The following USP50 variants were observed in gnomAD, a reference collection of about 807,000 sequenced individuals.
USP50 encodes ubiquitin specific peptidase 50, also known as ubiquitin carboxyl-terminal hydrolase 50.
A neutral mutation model predicts 39.2 loss-of-function variants in USP50; 37 were observed. That is an observed-to-expected ratio of 0.94 (90% CI 0.73 to 1.24). The LOEUF is 1.24. Ranked by LOEUF, USP50 falls within the 50% of genes most tolerant of loss-of-function variation. The pLI is 0.00. For missense variants in USP50, 374 were observed against 398.2 expected (o/e 0.94, Z 0.52); for synonymous variants, 139 against 144.5 (o/e 0.96, Z 0.27).
intron 6 of USP50, 81 bp downstream of exon 6, chr15:50,529,716 C>A: frequency 6.8e-7 from 1 of 1,480,638 alleles, no homozygotes. Context: ...CAGGGAGAGA[C>A]AGGAGAAATA....
Position 50,500,828 on chromosome 15 carries a change from C to T in USP50, c.946G>A (p.Gly316Ser), listed in dbSNP as rs1250817192. ...GTGTAGTGGCCACCATCCAAATCAC[C>T]AAAATGGTTCTATGGGAGAAAGGAA... Reference protein sequence around the residue: ...YNLCAVVNHFGDLDGGHYTAF... With the variant: ...YNLCAVVNHFSDLDGGHYTAF... Residue 316 changes from glycine to serine, a missense_variant, in exon 7 of 7, where the codon GGT becomes AGT. By Grantham distance (56) the Gly-to-Ser change is moderately conservative. Transcript: ENST00000532404. 6.3e-7 allele frequency: 1 copy of T among 1,580,898 alleles called. No individual in the cohort carries two copies. Among genetic ancestry groups the T allele is most frequent in the African/African-American group, 1.3e-5 (1 of 74,478 alleles).
chr15:50,515,373 C>T (rs2052793867), intron 6 of USP50, among the ~76,000 whole-genome samples: 1 of 152,062 alleles, frequency 6.6e-6, no homozygotes, highest in Admixed American at 6.6e-5. Flanking sequence ...TCCCAAGTAG[C>T]TGAGATTATG....
At chr15:50,501,569 C>G (rs902026863) in intron 6 of USP50, 1 of 151,084 alleles carries the variant, frequency 6.6e-6, no homozygotes, top group African/African-American at 2.4e-5. Flanking sequence ...GAATAAGGAT[C>G]TTAACTGCAT....
intron 6 of USP50, among the ~76,000 whole-genome samples, chr15:50,516,049 G>A (rs1467354994): frequency 6.6e-6 from 1 of 152,052 alleles, no homozygotes; most frequent in African/African-American, 2.4e-5. Context: ...GTTTTTGATT[G>A]CTATTAAAAT....
At chr15:50,518,908 T>C (rs1434648486) in intron 6 of USP50, among the ~76,000 whole-genome samples, 1 of 152,136 alleles carries the variant, frequency 6.6e-6, no homozygotes, top group East Asian at 1.9e-4. Context: ...TTGCAAACTA[T>C]TCATTTGATA....
chr15:50,498,962 A>T, downstream of USP50: 2 of 1,614,060 alleles, frequency 1.2e-6, no homozygotes, highest in Non-Finnish European at 8.5e-7. Context: ...ATGCAGCAAG[A>T]CAACGGTGGT....
intron 6 of USP50, among the ~76,000 whole-genome samples, chr15:50,519,500 G>A (rs1483267738): frequency 6.6e-6 from 1 of 151,858 alleles, no homozygotes; most frequent in Non-Finnish European, 1.5e-5. Context: ...GGATCACGAG[G>A]TCAGCAGATC....
intron 6 of USP50, among the ~76,000 whole-genome samples, chr15:50,519,609 GGA>G (rs2052831757): frequency 6.6e-6 from 1 of 152,066 alleles, no homozygotes; most frequent in Non-Finnish European, 1.5e-5. Flanking sequence ...CAGCTACTCA[GGA>G]GGCTGAGGCA....
chr15:50,538,673 G>T, intron 5 of USP50, 36 bp downstream of exon 5: 1 of 1,538,146 alleles, frequency 6.5e-7, no homozygotes, highest in South Asian at 1.2e-5. Context: ...AAGGCTGTTC[G>T]AAAATATGTG....
chr15:50,505,618 T>G (rs1451178169), intron 6 of USP50: 1 of 152,146 alleles, frequency 6.6e-6, no homozygotes, highest in Non-Finnish European at 1.5e-5. Context: ...TAACCCAATA[T>G]GAACAGTAGA....
intron 6 of USP50, among the ~76,000 whole-genome samples, chr15:50,517,067 G>C (rs551121456): frequency 3.8e-4 from 58 of 152,262 alleles, no homozygotes; most frequent in African/African-American, 1.4e-3. Context: ...AAACAGATCT[G>C]GCATATACAG....
downstream of USP50, among the ~76,000 whole-genome samples, chr15:50,497,955 A>T (rs1404692441): frequency 1.3e-5 from 2 of 152,088 alleles, no homozygotes; most frequent in Non-Finnish European, 2.9e-5. Flanking sequence ...ACATGTTCAG[A>T]TTTCTCTTGT....
intron 4 of USP50, 53 bp from the exon 5 acceptor site, chr15:50,538,904 ACT>A (rs2053005724): frequency 1.2e-5 from 18 of 1,544,238 alleles, no homozygotes; most frequent in East Asian, 1.1e-4. Context: ...TGCAACCTGC[ACT>A]CTCTGTTTCT....
chr15:50,529,780 A>G lies in USP50; in HGVS notation c.936+17T>C, dbSNP rs746244769. ...TCTTTAAAATTGGATTACTTTTAACAGTTTGTTTTTACTCACCACCACTGC... is the reference window on the plus strand; with the variant it reads ...TCTTTAAAATTGGATTACTTTTAACGGTTTGTTTTTACTCACCACCACTGC... On this transcript the variant is annotated intron_variant, in intron 6 of 6. Transcript: ENST00000532404. 3 of 1,607,260 alleles carry G rather than the reference A, an allele frequency of 1.9e-6. No individual in the cohort carries two copies. Among genetic ancestry groups the G allele is most frequent in the Non-Finnish European group, 2.5e-6 (3 of 1,177,960 alleles).
chr15:50,525,562 A>G (rs796189242), intron 6 of USP50, among the ~76,000 whole-genome samples: 73 of 131,420 alleles, frequency 5.6e-4, no homozygotes, highest in African/African-American at 1.9e-3. Flanking sequence ...ATGTGTATAT[A>G]TGTATATATG....
intron 6 of USP50, chr15:50,503,591 G>A (rs1596002499): frequency 1.3e-5 from 2 of 152,186 alleles, no homozygotes; most frequent in East Asian, 3.9e-4. Context: ...GTGTTAGCTT[G>A]GACTCATGGT....
Position 50,539,635 on chromosome 15 carries a change from C to T in USP50, c.661-784G>A, listed in dbSNP as rs574668188. Among the ~76,000 whole-genome samples, 7 of 151,422 alleles carry T rather than the reference C, an allele frequency of 4.6e-5. No homozygotes were observed. In the South Asian group the frequency reaches 1.3e-3, roughly 27 times the overall value. On this transcript the variant is annotated intron_variant, in intron 4 of 6. Coordinates refer to ENST00000532404, the MANE Select transcript of USP50 (RefSeq NM_203494.5). The stretch of plus-strand genomic sequence containing the variant: ...TTCACCATGTTGGCCGGGATAGTCT[C>T]GATCTCTTGATCTCGTGATCCGCCC...
intron 6 of USP50, chr15:50,514,399 C>T (rs1194471726): frequency 1.3e-5 from 2 of 152,110 alleles, no homozygotes; most frequent in Non-Finnish European, 2.9e-5. Context: ...TGTTTCACTT[C>T]AATAAAGTTT....
At chr15:50,498,235 G>A (rs2052489124), downstream of USP50, 1 of 168,858 alleles carries the variant, frequency 5.9e-6, no homozygotes, top group African/African-American at 2.4e-5. Flanking sequence ...TGAAGTACAA[G>A]CTTGACTCGA....
Sources: gnomAD v4.1 joint callset for allele counts (sites outside exome capture counted in the v4.1 genomes callset) on GRCh38, gnomAD v4.1.1 for gene constraint, MANE v1.5 for transcripts, NCBI Gene and HGNC (gene_info 2026-07-23, HGNC 2026-07-21) for gene names.